The following GBF1 variants were observed in gnomAD, a reference collection of about 807,000 sequenced individuals.
GBF1 encodes golgi brefeldin A resistant guanine nucleotide exchange factor 1.
GBF1 carries 114 observed loss-of-function variants against 210.5 expected under a neutral mutation model. That is an observed-to-expected ratio of 0.54 (90% CI 0.47 to 0.63). The LOEUF (loss-of-function observed/expected upper bound fraction) is 0.63, where lower values mean the gene tolerates loss of function less well. Among genes scored for constraint, GBF1 ranks in the 30% least tolerant of loss-of-function variants. GBF1 has a pLI of 0.00. For missense variants in GBF1, 1,851 were observed against 2,357.7 expected, an observed-to-expected ratio of 0.79 and a Z score of 4.45; for synonymous variants, 850 against 889.2, an observed-to-expected ratio of 0.96 and a Z score of 0.78.
In GBF1 at chr10:102,359,407, G is replaced by A; in HGVS notation, c.1152G>A (p.Val384=). 6.2e-7 allele frequency: 1 copy of A among 1,613,974 alleles called. No individual in the cohort carries two copies. The highest frequency in any genetic ancestry group is 8.5e-7 in the Non-Finnish European group (1 of 1,179,892). ...HDMDYVNPRG[V]RFTQSSQKEG... ...TGGATTACGTCAATCCCCGGGGCGT[G>A]CGCTTTACACAGTCCTCCCAGAAAG... Residue 384 remains valine (V), a synonymous_variant, in exon 11 of 40, where the codon GTG becomes GTA. Coordinates refer to ENST00000369983, the MANE Select transcript of GBF1 (RefSeq NM_001377137.1).
At chr10:102,312,557 A>G (rs1015691005) in intron 3 of GBF1, among the ~76,000 whole-genome samples, 5 of 152,210 alleles carry the variant, frequency 3.3e-5, no homozygotes, top group Admixed American at 2.0e-4. Flanking sequence ...CTAGTTAGCA[A>G]TTCCATCCGT....
At chr10:102,239,649 T>C in the GBF1 span, among the ~76,000 whole-genome samples, 1 of 152,240 alleles carries the variant, frequency 6.6e-6, no homozygotes, top group Non-Finnish European at 1.5e-5. Context: ...TAAGAAAGGT[T>C]GAAACCACTG....
chr10:102,339,573 A>G (rs1172506510), intron 3 of GBF1, among the ~76,000 whole-genome samples: 1 of 149,770 alleles, frequency 6.7e-6, no homozygotes, highest in Non-Finnish European at 1.5e-5. Flanking sequence ...AGGCTGAGGC[A>G]GGAGAATCGC....
chr10:102,241,946 A>T (rs572582967), upstream of GBF1, among the ~76,000 whole-genome samples: 36 of 152,146 alleles, frequency 2.4e-4, no homozygotes, highest in Admixed American at 2.0e-3. The surrounding 1 kb of genome is among the most constrained non-coding windows in gnomAD (Gnocchi z 6.7). Flanking sequence ...CTTCTCTGCC[A>T]CTCAAGTTTC....
rs772385001 is a variant in GBF1, at chr10:102,361,125, GTTT to G, written c.1491+6_1491+8del. ...CACCTCAAGTTCCAAATGGAGGTGAGTTTCTTGATGTGGAAAGAAAAGGGGGAA... is the reference window on the plus strand; with the variant it reads ...CACCTCAAGTTCCAAATGGAGGTGAGCTTGATGTGGAAAGAAAAGGGGGAA... On this transcript the variant is annotated splice_donor_region_variant and intron_variant, in intron 13 of 39. Transcript: ENST00000369983. 1 of 1,450,504 alleles carries G rather than the reference GTTT, an allele frequency of 6.9e-7. No homozygotes were observed. Among genetic ancestry groups the G allele is most frequent in the South Asian group, 1.1e-5 (1 of 87,840 alleles). The allele number at this position is 1,450,504 out of a possible 1,614,324, so 89.9% of individuals were successfully genotyped here.
intron 8 of GBF1, among the ~76,000 whole-genome samples, chr10:102,357,480 C>T (rs2059357785): frequency 6.7e-6 from 1 of 149,714 alleles, no homozygotes; most frequent in Admixed American, 6.6e-5. Context: ...AAGCTAGACT[C>T]CATCTCAAAA....
intron 3 of GBF1, among the ~76,000 whole-genome samples, chr10:102,290,439 G>A (rs1008874305): frequency 1.3e-5 from 2 of 151,934 alleles, no homozygotes; most frequent in African/African-American, 4.8e-5. Context: ...TTCATTATAT[G>A]TAGTAGAACC....
chr10:102,357,848 A>G (rs192453917), intron 8 of GBF1, among the ~76,000 whole-genome samples, 191 bp from the exon 9 acceptor site: 12 of 152,308 alleles, frequency 7.9e-5, no homozygotes, highest in Admixed American at 7.2e-4. Flanking sequence ...TGCCATGCCA[A>G]CCTGTGAAGT....
chr10:102,281,557 C>T (rs2075481946), intron 3 of GBF1, among the ~76,000 whole-genome samples: 2 of 148,978 alleles, frequency 1.3e-5, no homozygotes, highest in African/African-American at 4.9e-5. Flanking sequence ...TATAAATTAT[C>T]TATAAATTAT....
intron 3 of GBF1, among the ~76,000 whole-genome samples, chr10:102,288,855 T>C (rs1404407582): frequency 6.6e-6 from 1 of 150,996 alleles, no homozygotes; most frequent in Non-Finnish European, 1.5e-5. Flanking sequence ...AATTGCAGCA[T>C]TTTGGAACGC....
At chr10:102,323,239 G>GAAAAAAAAAAAAAA (rs775888621) in intron 3 of GBF1, among the ~76,000 whole-genome samples, 3 of 65,822 alleles carry the variant, frequency 4.6e-5, no homozygotes, top group Admixed American at 1.9e-4. Flanking sequence ...CTCCAAAATT[G>GAAAAAAAAAAAAAA]AAAAAAAAAA....
At chr10:102,255,321 G>A (rs1365745368) in intron 1 of GBF1, among the ~76,000 whole-genome samples, 2 of 152,132 alleles carry the variant, frequency 1.3e-5, no homozygotes, top group African/African-American at 4.8e-5. Context: ...GATTATAGGC[G>A]TGAACCACTG....
chr10:102,369,277 T>C lies in GBF1; in HGVS notation c.3040T>C (p.Phe1014Leu), dbSNP rs762800412. The change falls in exon 24 of 40, where the codon TTC becomes CTC. Residue 1014 changes from phenylalanine to leucine, a missense_variant. Transcript: ENST00000369983. ...PKAHIAAKTV[F>L]HLAHRHGDIL... ...AGCCCATATTGCAGCCAAGACAGTA[T>C]TCCATTTGGCCCATCGTCATGGTGA... The C allele has an allele frequency of 6.2e-7, 1 of 1,613,642 alleles. No homozygotes were observed. The highest frequency in any genetic ancestry group is 1.7e-5 in the Admixed American group (1 of 60,026).
At chr10:102,236,890 A>G in the GBF1 span, among the ~76,000 whole-genome samples, 1 of 152,210 alleles carries the variant, frequency 6.6e-6, no homozygotes, top group African/African-American at 2.4e-5. Context: ...ATGAAACTGA[A>G]GTGAGGTCCT....
the GBF1 span, chr10:102,231,447 C>A: frequency 1.6e-6 from 1 of 627,142 alleles, no homozygotes; most frequent in Non-Finnish European, 2.7e-6. Context: ...CAAGAGACCG[C>A]GTGGGGCTGC....
chr10:102,310,512 C>T (rs574060239), intron 3 of GBF1, among the ~76,000 whole-genome samples: 76 of 152,182 alleles, frequency 5.0e-4, no homozygotes, highest in Non-Finnish European at 7.9e-4. Flanking sequence ...CCTGCACGCA[C>T]ATTTGTATTC....
At chr10:102,263,666 T>C (rs1228005731) in intron 3 of GBF1, among the ~76,000 whole-genome samples, 3 of 152,196 alleles carry the variant, frequency 2.0e-5, no homozygotes, top group Non-Finnish European at 2.9e-5. Flanking sequence ...TCCAGTAAGG[T>C]TGGCTAAGTC....
intron 29 of GBF1, among the ~76,000 whole-genome samples, chr10:102,372,002 G>T (rs1449492105): frequency 1.3e-5 from 2 of 151,802 alleles, no homozygotes; most frequent in East Asian, 3.9e-4. Context: ...TGGATCACGA[G>T]GTCAGGAGAT....
chr10:102,362,549 C>T lies in GBF1; in HGVS notation c.1761C>T (p.Asp587=), dbSNP rs1386666642. The T allele has an allele frequency of 6.2e-7, 1 of 1,613,908 alleles. No individual in the cohort carries two copies. The highest frequency in any genetic ancestry group is 8.5e-7 in the Non-Finnish European group (1 of 1,179,778). The part of the protein sequence containing the change: ...LSLDALLTVI[D]STEAHCQAKV... ...TTGATGCCCTATTGACAGTGATTGA[C>T]AGCACCGAGGCCCACTGCCAGGCTA... Residue 587 remains aspartate (D), a synonymous_variant, in exon 15 of 40, where the codon GAC becomes GAT. Transcript: ENST00000369983.
Sources: gnomAD v4.1 joint callset for allele counts (sites outside exome capture counted in the v4.1 genomes callset) on GRCh38, gnomAD v4.1.1 for gene constraint, Gnocchi (gnomAD v3.1) non-coding constraint, MANE v1.5 for transcripts, NCBI Gene and HGNC (gene_info 2026-07-23, HGNC 2026-07-21) for gene names.